The following NDUFB2 variants were observed in gnomAD, a reference collection of about 807,000 sequenced individuals.
NDUFB2 encodes the protein NADH:ubiquinone oxidoreductase subunit B2.
In NDUFB2, 13 loss-of-function variants were observed where a neutral mutation model predicts 13.4. The observed-to-expected ratio is 0.97, with a 90% confidence interval of 0.63 to 1.54. The LOEUF (loss-of-function observed/expected upper bound fraction) is 1.54. Among genes scored for constraint, NDUFB2 ranks in the 40% most tolerant of loss-of-function variants. The pLI is 0.00. For synonymous variants in NDUFB2, 47 were observed against 50.6 expected, an observed-to-expected ratio of 0.93 and a Z score of 0.30; for missense variants, 150 against 139.7, an observed-to-expected ratio of 1.07 and a Z score of -0.37.
At chr7:140,696,978 T>A in intron 1 of NDUFB2, 136 bp downstream of exon 1, 1 of 788,194 alleles carries the variant, frequency 1.3e-6, no homozygotes, top group Non-Finnish European at 2.0e-6. Flanking sequence ...TCCGCGTGTC[T>A]CCTGAAGCCG....
intron 1 of NDUFB2, among the ~76,000 whole-genome samples, chr7:140,699,651 C>T (rs1794869634): frequency 6.6e-6 from 1 of 152,020 alleles, no homozygotes; most frequent in African/African-American, 2.4e-5. Context: ...TTCCCCACAC[C>T]TCATGTAGCT....
intron 1 of NDUFB2, chr7:140,698,332 T>G: frequency 7.4e-7 from 1 of 1,348,704 alleles, no homozygotes; most frequent in Non-Finnish European, 9.8e-7. Context: ...CATAAATGTT[T>G]ATGGAGCATC....
intron 1 of NDUFB2, chr7:140,700,828 C>T (rs1264125214): frequency 6.6e-6 from 1 of 151,630 alleles, no homozygotes; most frequent in African/African-American, 2.4e-5. Context: ...ATTGAATGAT[C>T]CTGCATGGTT....
intron 2 of NDUFB2, among the ~76,000 whole-genome samples, chr7:140,703,717 T>C (rs373197586): frequency 6.6e-6 from 1 of 152,108 alleles, no homozygotes; most frequent in Non-Finnish European, 1.5e-5. Context: ...TGTGAGTTAA[T>C]TTGTCTTGAG....
chr7:140,697,636 G>C (rs909918640), intron 1 of NDUFB2, among the ~76,000 whole-genome samples: 1 of 152,192 alleles, frequency 6.6e-6, no homozygotes, highest in Non-Finnish European at 1.5e-5. Flanking sequence ...TAGATCATCA[G>C]CTACACTTTA....
At chr7:140,703,449 G>T (rs941125697) in intron 2 of NDUFB2, among the ~76,000 whole-genome samples, 6 of 151,494 alleles carry the variant, frequency 4.0e-5, no homozygotes, top group Admixed American at 2.0e-4. Context: ...AATTTTTTTT[G>T]TTGTTAGTAG....
chr7:140,697,057 G>C, intron 1 of NDUFB2: 1 of 599,646 alleles, frequency 1.7e-6, no homozygotes, highest in Non-Finnish European at 3.0e-6. Context: ...ATGGGACACC[G>C]TGTGCAGGGC....
intron 1 of NDUFB2, among the ~76,000 whole-genome samples, chr7:140,700,539 A>G (rs1455079720): frequency 6.6e-6 from 1 of 150,784 alleles, no homozygotes; most frequent in Non-Finnish European, 1.5e-5. Context: ...CTATAATCCC[A>G]GCACTTTGGG....
intron 1 of NDUFB2, chr7:140,697,237 G>A: frequency 1.5e-6 from 1 of 686,192 alleles, no homozygotes; most frequent in Non-Finnish European, 2.7e-6. Flanking sequence ...GCCTAGGGAG[G>A]GCGCGGTCCA....
rs1223086023 is a variant in NDUFB2, at chr7:140,696,754, C to T, written c.10C>T (p.Leu4=). 6 of 1,597,484 alleles carry T rather than the reference C, an allele frequency of 3.8e-6. No individual in the cohort carries two copies. Among genetic ancestry groups the T allele is most frequent in the Admixed American group, 1.7e-5 (1 of 57,744 alleles). MSA[L]TRLASFARVG... ...GCGGACGGGAGCGAGTATGTCCGCT[C>T]TGACTCGGCTGGCGTCTTTCGCTCG... The change falls in exon 1 of 4, where the codon CTG becomes TTG. Residue 4 remains leucine (L), a synonymous_variant. Coordinates refer to ENST00000247866, the MANE Select transcript of NDUFB2 (RefSeq NM_004546.3).
chr7:140,697,259 C>T (rs1468617587), intron 1 of NDUFB2: 1 of 699,014 alleles, frequency 1.4e-6, no homozygotes, highest in Non-Finnish European at 2.6e-6. Flanking sequence ...GGTCCCGGTG[C>T]CTGGCTGCGG....
chr7:140,706,509 T>C, intron 3 of NDUFB2, 54 bp from the exon 4 acceptor site: 1 of 152,132 alleles, frequency 6.6e-6, no homozygotes, highest in Non-Finnish European at 1.5e-5. Flanking sequence ...AATTATGGAT[T>C]TGAATTAGTG....
At chr7:140,705,629 A>C (rs2130803180) in intron 3 of NDUFB2, 1 of 152,256 alleles carries the variant, frequency 6.6e-6, no homozygotes, top group Admixed American at 6.5e-5. Context: ...AATAAAAAAA[A>C]ATTTTTTTCC....
rs763600356 is a variant in NDUFB2 at position 140,703,023 on chromosome 7, G to A, written c.243+13G>A. The A allele has an allele frequency of 6.2e-7, 1 of 1,611,612 alleles. No individual in the cohort carries two copies. ...AGAAGAGGTGCTGGTAAGTGCAGGA[G>A]AAGAGCACTTGTCGTTTTTTGGGTG... On this transcript the variant is annotated intron_variant, in intron 2 of 3. Coordinates refer to ENST00000247866, the MANE Select transcript of NDUFB2 (RefSeq NM_004546.3).
At position 140,704,918 on chromosome 7, in the gene NDUFB2, C is replaced by CT. The variant is rs1386411729; in HGVS notation, c.303dup (p.Asp102Ter). ...ACAGATGAAGAATTAGGTATCCCTC[C>CT]TGATGATGAAGACTGAAGGTGTAGA... On this transcript the variant is annotated frameshift_variant, in exon 3 of 4. Coordinates refer to ENST00000247866, the MANE Select transcript of NDUFB2 (RefSeq NM_004546.3). LOFTEE classifies it high-confidence loss of function. 6.2e-7 allele frequency: 1 copy of CT among 1,602,708 alleles called. No individual in the cohort carries two copies. Among genetic ancestry groups the CT allele is most frequent in the Non-Finnish European group, 8.5e-7 (1 of 1,174,566 alleles).
rs529707567 is a variant in NDUFB2 at position 140,704,846 on chromosome 7, A to G, written c.244-14A>G. 3.5e-5 allele frequency: 54 copies of G among 1,548,078 alleles called. No individual in the cohort carries two copies. Among genetic ancestry groups the G allele is most frequent in the Non-Finnish European group, 4.7e-5 (54 of 1,145,042 alleles). ...AATTCTTGACTTTTCTTTCTTTTAA[A>G]TGGTTGTCACCAGGGTCACTTTCCG... On this transcript the variant is annotated splice_polypyrimidine_tract_variant and intron_variant, in intron 2 of 3. Transcript: ENST00000247866.
chr7:140,697,214 C>A, intron 1 of NDUFB2: 1 of 649,244 alleles, frequency 1.5e-6, no homozygotes. Context: ...AGGCGGGGGG[C>A]GGCGGCGGTG....
chr7:140,696,906 C>G lies in NDUFB2; in HGVS notation c.98+64C>G. On this transcript the variant is annotated intron_variant, in intron 1 of 3. Coordinates refer to ENST00000247866, the MANE Select transcript of NDUFB2 (RefSeq NM_004546.3). The stretch of plus-strand genomic sequence containing the variant: ...TAGCGGACAGCGCGGGTCCCTGGGA[C>G]GCTCTCACCTTGACTGGGGCGCCTG... 2.7e-6 allele frequency: 4 copies of G among 1,459,162 alleles called. No individual in the cohort carries two copies. In the South Asian group the frequency reaches 4.8e-5, roughly 18 times the overall value. The allele number at this position is 1,459,162 out of a possible 1,614,324, so 90.4% of individuals were successfully genotyped here.
At chr7:140,703,154 A>G (rs1794919945) in intron 2 of NDUFB2, 144 bp downstream of exon 2, 1 of 958,668 alleles carries the variant, frequency 1.0e-6, no homozygotes, top group Non-Finnish European at 1.5e-6. Context: ...ATATACAAGA[A>G]TCCTGTTATT....
Sources: allele counts gnomAD v4.1 joint callset (sites outside exome capture counted in the v4.1 genomes callset), GRCh38; gene constraint gnomAD v4.1.1; transcripts MANE v1.5; gene names NCBI Gene and HGNC (gene_info 2026-07-23, HGNC 2026-07-21).